DIAPH2: variants seen among roughly 807,000 people sequenced by gnomAD.
The protein encoded by DIAPH2 is diaphanous related formin 2.
In DIAPH2, 35 loss-of-function variants were observed where a neutral mutation model predicts 92.7. The observed-to-expected ratio is 0.38, with a 90% CI of 0.29 to 0.50. The LOEUF is 0.50. Among genes scored for constraint, DIAPH2 ranks in the 20% least tolerant of loss-of-function variants. DIAPH2 has a pLI of 0.94. For missense variants in DIAPH2, 701 were observed against 819.5 expected (o/e 0.86, Z 1.77); for synonymous variants, 301 against 280.4 (o/e 1.07, Z -0.73).
chrX:96,788,945 A>G (rs1013649858), intron 4 of DIAPH2, among the ~76,000 whole-genome samples: 4 of 112,559 alleles, frequency 3.6e-5, no homozygotes, highest in Non-Finnish European at 7.5e-5. Context: ...CACTCAACAC[A>G]GTGCCACAGG....
intron 21 of DIAPH2, among the ~76,000 whole-genome samples, chrX:97,135,084 G>T (rs185960560): frequency 1.2e-3 from 139 of 111,894 alleles, no homozygotes; most frequent in Admixed American, 4.3e-3. Flanking sequence ...TCACAATCTG[G>T]TGGGTGAGAC....
At chrX:96,880,167 A>G (rs1195566108) in intron 4 of DIAPH2, among the ~76,000 whole-genome samples, 1 of 112,051 alleles carries the variant, frequency 8.9e-6, no homozygotes, top group African/African-American at 3.2e-5. Flanking sequence ...GAAGTTCAAT[A>G]ATAACACACT....
intron 3 of DIAPH2, among the ~76,000 whole-genome samples, chrX:96,752,113 A>C (rs553236133): frequency 8.9e-5 from 10 of 112,045 alleles, no homozygotes; most frequent in Admixed American, 6.6e-4. Context: ...GTTTAGAGTT[A>C]ATATTGAATT....
At chrX:97,250,863 G>A (rs1436047252) in intron 23 of DIAPH2, among the ~76,000 whole-genome samples, 2 of 111,633 alleles carry the variant, frequency 1.8e-5, no homozygotes, top group Non-Finnish European at 3.8e-5. Context: ...CCTTTATAGA[G>A]CATGCTGTAA....
chrX:96,697,803 G>A (rs149423601), intron 1 of DIAPH2, among the ~76,000 whole-genome samples: 1 of 110,204 alleles, frequency 9.1e-6, no homozygotes, highest in East Asian at 2.8e-4. Context: ...GTGGGACCTA[G>A]CCTAGATTTG....
intron 22 of DIAPH2, among the ~76,000 whole-genome samples, chrX:97,164,733 C>A (rs971642642): frequency 1.3e-4 from 15 of 112,022 alleles, no homozygotes; most frequent in African/African-American, 4.9e-4. Flanking sequence ...AATTAAAATT[C>A]TCTTCTTTGT....
intron 25 of DIAPH2, 79 bp downstream of exon 25, chrX:97,384,123 T>C: frequency 1.2e-6 from 1 of 863,598 alleles, no homozygotes; most frequent in South Asian, 2.9e-5. Context: ...GATTATAAAG[T>C]AAATTTTCAT....
At chrX:97,530,858 C>T (rs1256939214) in intron 26 of DIAPH2, among the ~76,000 whole-genome samples, 2 of 111,585 alleles carry the variant, frequency 1.8e-5, no homozygotes, top group African/African-American at 6.5e-5. Flanking sequence ...AAAACTGTTT[C>T]AATAAGGAAA....
chrX:97,286,110 G>A (rs1413830179), intron 23 of DIAPH2, among the ~76,000 whole-genome samples: 1 of 103,700 alleles, frequency 9.6e-6, no homozygotes, highest in African/African-American at 3.6e-5. Context: ...GTGCGATCTC[G>A]GCTCACTGCA....
At chrX:97,456,021 T>C in intron 26 of DIAPH2, among the ~76,000 whole-genome samples, 1 of 112,326 alleles carries the variant, frequency 8.9e-6, no homozygotes, top group Non-Finnish European at 1.9e-5. Flanking sequence ...AGAATCATGC[T>C]TCTTTCCTTC....
intron 22 of DIAPH2, among the ~76,000 whole-genome samples, chrX:97,219,289 C>T (rs927663929): frequency 3.6e-5 from 4 of 112,085 alleles, no homozygotes; most frequent in African/African-American, 1.3e-4. Flanking sequence ...AGCATACATG[C>T]ACTTACGATT....
chrX:96,758,339 G>T, intron 4 of DIAPH2, 81 bp downstream of exon 4: 1 of 812,702 alleles, frequency 1.2e-6, no homozygotes, highest in African/African-American at 2.1e-5. Context: ...ACAAACCTCA[G>T]CTCTTCAGAT....
intron 3 of DIAPH2, among the ~76,000 whole-genome samples, chrX:96,740,388 A>C (rs2064111947): frequency 8.9e-6 from 1 of 112,483 alleles, no homozygotes; most frequent in Non-Finnish European, 1.9e-5. Context: ...ATTCCTTGAT[A>C]CTATTAACAC....
rs1329139690 is a variant in DIAPH2 at position 97,233,594 on chromosome X, G to T, written c.2720-14121G>T. 1.1e-4 allele frequency among the ~76,000 whole-genome samples: 12 copies of T among 111,602 alleles called. No homozygotes were observed. In the Admixed American group the frequency reaches 1.1e-3, roughly 11 times the overall value. ...GGATGCGTTTTGGTCAATTCTAAAA[G>T]GAAGCTATAAGATGGGATAATGGAG... On this transcript the variant is annotated intron_variant, in intron 22 of 26. Transcript: ENST00000324765.
intron 17 of DIAPH2, among the ~76,000 whole-genome samples, chrX:97,017,175 C>G (rs1439615479): frequency 8.9e-6 from 1 of 112,065 alleles, no homozygotes; most frequent in Non-Finnish European, 1.9e-5. Context: ...AAGTGTGTCT[C>G]TCAATACAAA....
intron 22 of DIAPH2, among the ~76,000 whole-genome samples, chrX:97,147,944 A>G (rs1053644040): frequency 4.5e-5 from 5 of 111,634 alleles, no homozygotes; most frequent in African/African-American, 1.6e-4. Flanking sequence ...TTCATTCCAT[A>G]GTAGTATTTC....
At chrX:96,746,819 G>C (rs994727672) in intron 3 of DIAPH2, among the ~76,000 whole-genome samples, 7 of 111,252 alleles carry the variant, frequency 6.3e-5, no homozygotes, top group Middle Eastern at 4.6e-3. Context: ...AGTGCTGGGG[G>C]TTACACTGTA....
Position 97,291,975 on chromosome X carries a change from G to A in DIAPH2, c.2844+44136G>A, listed in dbSNP as rs543304454. 3.6e-5 allele frequency among the ~76,000 whole-genome samples: 4 copies of A among 111,529 alleles called. No individual in the cohort carries two copies. The South Asian group carries it at 1.5e-3, about 42-fold the overall frequency. On this transcript the variant is annotated intron_variant, in intron 23 of 26. Coordinates refer to ENST00000324765, the MANE Select transcript of DIAPH2 (RefSeq NM_006729.5). ...GCCAAAAATTACATGACTAGTGATT[G>A]ATGTATACAGGATTTGAATCAGCCC...
intron 26 of DIAPH2, among the ~76,000 whole-genome samples, chrX:97,501,169 G>T (rs898235100): frequency 1.8e-5 from 2 of 109,398 alleles, no homozygotes; most frequent in African/African-American, 3.3e-5. Flanking sequence ...CTCTTTTTAC[G>T]TACAGAGCTA....
Sources: allele counts gnomAD v4.1 joint callset (sites outside exome capture counted in the v4.1 genomes callset), GRCh38; gene constraint gnomAD v4.1.1; transcripts MANE v1.5; gene names NCBI Gene and HGNC (gene_info 2026-07-23, HGNC 2026-07-21).